Variants in ARHGAP15 observed in about 807,000 individuals in gnomAD.
The protein encoded by ARHGAP15 is Rho GTPase activating protein 15.
In ARHGAP15, 51 loss-of-function variants were observed where a neutral mutation model predicts 63.7. The observed-to-expected ratio is 0.80, with a 90% CI of 0.64 to 1.01. The LOEUF (loss-of-function observed/expected upper bound fraction) is 1.01. Among genes scored for constraint, ARHGAP15 ranks in the 50% least tolerant of loss-of-function variants. The pLI, the probability that ARHGAP15 is intolerant of heterozygous loss-of-function variation, is 0.00. For missense variants in ARHGAP15, 560 were observed against 564.6 expected (o/e 0.99, Z 0.08); for synonymous variants, 191 against 193.8 (o/e 0.99, Z 0.12).
At chr2:143,264,841 G>T (rs1394130674) in intron 6 of ARHGAP15, among the ~76,000 whole-genome samples, 1 of 152,124 alleles carries the variant, frequency 6.6e-6, no homozygotes, top group East Asian at 1.9e-4. Context: ...AAGATAATGA[G>T]ACCACAGTTC....
At chr2:143,365,678 T>A (rs1686264564) in intron 6 of ARHGAP15, among the ~76,000 whole-genome samples, 1 of 152,206 alleles carries the variant, frequency 6.6e-6, no homozygotes, top group African/African-American at 2.4e-5. Flanking sequence ...AATCTTGCCT[T>A]CTCACTTAGG....
intron 8 of ARHGAP15, among the ~76,000 whole-genome samples, chr2:143,446,548 T>C (rs911845396): frequency 3.3e-5 from 5 of 152,154 alleles, no homozygotes; most frequent in Non-Finnish European, 7.4e-5. Flanking sequence ...AATAAATGCT[T>C]GGTTTTGTCA....
intron 13 of ARHGAP15, among the ~76,000 whole-genome samples, chr2:143,716,572 C>G (rs1042058221): frequency 1.3e-5 from 2 of 152,120 alleles, no homozygotes; most frequent in Non-Finnish European, 1.5e-5. Context: ...AAAAAATCAC[C>G]TTGACTTAAA....
At chr2:143,350,838 CAAAAAAAAAAA>C (rs59616405) in intron 6 of ARHGAP15, 2 of 57,730 alleles carry the variant, frequency 3.5e-5, no homozygotes, top group Non-Finnish European at 5.9e-5. Context: ...GACTCAGTCT[CAAAAAAAAAAA>C]AAAAAAAAAA....
intron 8 of ARHGAP15, among the ~76,000 whole-genome samples, chr2:143,485,737 C>T (rs1000225399): frequency 2.0e-5 from 3 of 152,112 alleles, no homozygotes; most frequent in East Asian, 1.9e-4. Context: ...ATATCCTACA[C>T]AGAGGACAGG....
At chr2:143,426,745 G>A (rs1432396367) in intron 6 of ARHGAP15, among the ~76,000 whole-genome samples, 3 of 152,138 alleles carry the variant, frequency 2.0e-5, no homozygotes, top group Admixed American at 2.0e-4. Context: ...CTATGTTGTG[G>A]TGGCATCACC....
intron 13 of ARHGAP15, among the ~76,000 whole-genome samples, chr2:143,750,992 C>T (rs993732829): frequency 6.6e-6 from 1 of 152,190 alleles, no homozygotes; most frequent in Admixed American, 6.5e-5. Flanking sequence ...GATGTCAGGT[C>T]TTCCCTTTCA....
intron 4 of ARHGAP15, among the ~76,000 whole-genome samples, chr2:143,222,336 C>T (rs1693034927): frequency 1.3e-5 from 2 of 152,186 alleles, no homozygotes; most frequent in East Asian, 3.8e-4. Context: ...GTAACAAAGG[C>T]AGATGGACCA....
chr2:143,538,298 CTAGATATACAATCATG>C (rs1362244848), intron 10 of ARHGAP15, among the ~76,000 whole-genome samples: 1 of 152,162 alleles, frequency 6.6e-6, no homozygotes, highest in Non-Finnish European at 1.5e-5. Flanking sequence ...ATGGGGTTTT[CTAGATATACAATCATG>C]TCATCTGCAA....
chr2:143,634,688 C>G (rs531508484), intron 12 of ARHGAP15, among the ~76,000 whole-genome samples: 5 of 152,092 alleles, frequency 3.3e-5, no homozygotes, highest in African/African-American at 4.8e-5. Flanking sequence ...TAATATTTTG[C>G]TTTGAGAATT....
At chr2:143,258,252 C>CATATAT (rs71301731) in intron 6 of ARHGAP15, among the ~76,000 whole-genome samples, 176 of 150,662 alleles carry the variant, frequency 1.2e-3, no homozygotes, top group South Asian at 2.9e-3. Context: ...AGAAAAAATA[C>CATATAT]ATATATATAT....
At chr2:143,590,572 G>A (rs1697281607) in intron 11 of ARHGAP15, among the ~76,000 whole-genome samples, 1 of 152,114 alleles carries the variant, frequency 6.6e-6, no homozygotes, top group South Asian at 2.1e-4. Context: ...CAGCTGCCTG[G>A]CCCCTTCTTT....
chr2:143,271,996 A>G (rs556880796), intron 6 of ARHGAP15, among the ~76,000 whole-genome samples: 1 of 152,356 alleles, frequency 6.6e-6, no homozygotes, highest in South Asian at 2.1e-4. Context: ...GGATGCGGGC[A>G]TGAATCTATA....
At chr2:143,385,754 AG>A (rs1333532343) in intron 6 of ARHGAP15, among the ~76,000 whole-genome samples, 1 of 152,196 alleles carries the variant, frequency 6.6e-6, no homozygotes, top group East Asian at 1.9e-4. Flanking sequence ...TGTTTGTATT[AG>A]ATGAAACAAA....
chr2:143,305,957 T>C (rs1000036461), intron 6 of ARHGAP15, among the ~76,000 whole-genome samples: 1 of 152,152 alleles, frequency 6.6e-6, no homozygotes. Context: ...ATAAGTGCAC[T>C]GTGTATCTTA....
In ARHGAP15 at chr2:143,333,335, G is replaced by A. The variant is rs192413343; in HGVS notation, c.474+82735G>A. 8.5e-5 allele frequency among the ~76,000 whole-genome samples: 13 copies of A among 152,234 alleles called. No homozygotes were observed. In the East Asian group the frequency reaches 2.1e-3, roughly 25 times the overall value. On this transcript the variant is annotated intron_variant, in intron 6 of 13. Coordinates refer to ENST00000295095, the MANE Select transcript of ARHGAP15 (RefSeq NM_018460.4). Reference sequence around the variant, plus strand: ...TATTACCATATGAAGATGACACGTCGGTGAACTTTATCAAATGCCATGCAG... The same window carrying A: ...TATTACCATATGAAGATGACACGTCAGTGAACTTTATCAAATGCCATGCAG...
intron 6 of ARHGAP15, among the ~76,000 whole-genome samples, chr2:143,335,670 GAT>G (rs766436966): frequency 3.3e-5 from 5 of 152,142 alleles, no homozygotes; most frequent in African/African-American, 4.8e-5. Flanking sequence ...TGTGTTTAGG[GAT>G]ATAACTACCT....
intron 6 of ARHGAP15, among the ~76,000 whole-genome samples, chr2:143,267,815 G>T (rs1681071687): frequency 6.6e-6 from 1 of 152,016 alleles, no homozygotes; most frequent in African/African-American, 2.4e-5. Flanking sequence ...TTTGTTATTG[G>T]AATAATTGTT....
rs971690498 is a variant in ARHGAP15 at position 143,694,510 on chromosome 2, T to G, written c.1139-8909T>G. Among the ~76,000 whole-genome samples the G allele has an allele frequency of 2.0e-5, 3 of 152,174 alleles. No homozygotes were observed. In the East Asian group the frequency reaches 5.8e-4, roughly 29 times the overall value. ...ACAGTAACCATGCTGTGACTCTATG[T>G]GGTAATAATATCTCAGTCCTGATAA... On this transcript the variant is annotated intron_variant, in intron 12 of 13. Transcript: ENST00000295095.
Sources: gnomAD v4.1 joint callset for allele counts (sites outside exome capture counted in the v4.1 genomes callset) on GRCh38, gnomAD v4.1.1 for gene constraint, MANE v1.5 for transcripts, NCBI Gene and HGNC (gene_info 2026-07-23, HGNC 2026-07-21) for gene names.